PDE4A: variants seen among roughly 807,000 people sequenced by gnomAD.
The protein encoded by PDE4A is 3',5'-cyclic-AMP phosphodiesterase 4A.
A neutral mutation model predicts 73.9 loss-of-function variants in PDE4A; 21 were observed. The observed-to-expected ratio is 0.28, with a 90% CI of 0.20 to 0.41. PDE4A has a LOEUF of 0.41. Among genes scored for constraint, PDE4A ranks in the 10% least tolerant of loss-of-function variants. The pLI, the probability that PDE4A is intolerant of heterozygous loss-of-function variation, is 1.00. For synonymous variants in PDE4A, 463 were observed against 505.4 expected, an observed-to-expected ratio of 0.92 and a Z score of 1.13; for missense variants, 958 against 1,211.4, an observed-to-expected ratio of 0.79 and a Z score of 3.10.
In PDE4A at chr19:10,453,676, G is replaced by A. The variant is rs756155251; in HGVS notation, c.784-1153G>A. On this transcript the variant is annotated intron_variant, in intron 6 of 14. Coordinates refer to ENST00000380702, the MANE Select transcript of PDE4A (RefSeq NM_001111307.2). The surrounding 1 kb of genome is among the most constrained non-coding windows in gnomAD (Gnocchi z 4.6). ...TGACCATGGTGTTGTGTGTTGGGTTGTGTGTCTGAGCCCAGAGCTGCCTGA... is the reference window on the plus strand; with the variant it reads ...TGACCATGGTGTTGTGTGTTGGGTTATGTGTCTGAGCCCAGAGCTGCCTGA... Among the ~76,000 whole-genome samples the A allele has an allele frequency of 5.3e-5, 8 of 152,114 alleles. No individual in the cohort carries two copies. The highest frequency in any genetic ancestry group is 1.2e-4 in the Non-Finnish European group (8 of 68,010).
At chr19:10,425,666 C>T (rs577998842) in intron 1 of PDE4A, among the ~76,000 whole-genome samples, 1 of 152,172 alleles carries the variant, frequency 6.6e-6, no homozygotes, top group East Asian at 1.9e-4. Flanking sequence ...CATCTGAGCC[C>T]ACTCTTTTCA....
In PDE4A at chr19:10,469,458, G is replaced by T. The variant is rs200524110; in HGVS notation, c.*1837G>T. 1.8e-4 allele frequency: 28 copies of T among 152,436 alleles called. No individual in the cohort carries two copies. The highest frequency in any genetic ancestry group is 6.7e-4 in the African/African-American group (28 of 41,534). 9.4% of individuals were successfully genotyped at this position (152,436 alleles called of 1,614,324 possible). On this transcript the variant is annotated 3_prime_UTR_variant, in exon 15 of 15. Coordinates refer to ENST00000380702, the MANE Select transcript of PDE4A (RefSeq NM_001111307.2). Reference sequence around the variant, plus strand: ...CTGTCCCCTCCCCCCTTCTCCAGGAGCCAGGGGGTGACTGGAGAGACAGAC... The same window carrying T: ...CTGTCCCCTCCCCCCTTCTCCAGGATCCAGGGGGTGACTGGAGAGACAGAC...
Position 10,463,774 on chromosome 19 carries a change from G to T in PDE4A, c.1744-19G>T. The T allele has an allele frequency of 6.2e-7, 1 of 1,612,892 alleles. No individual in the cohort carries two copies. The highest frequency in any genetic ancestry group is 8.5e-7 in the Non-Finnish European group (1 of 1,179,074). ...AGGCATAGCCTCTGAAGTTTCCCCTGTGCCCCAACCCCATGCAGGTCCTCC... is the reference window on the plus strand; with the variant it reads ...AGGCATAGCCTCTGAAGTTTCCCCTTTGCCCCAACCCCATGCAGGTCCTCC... On this transcript the variant is annotated intron_variant, in intron 13 of 14. Coordinates refer to ENST00000380702, the MANE Select transcript of PDE4A (RefSeq NM_001111307.2).
In PDE4A at chr19:10,420,926, C is replaced by T. The variant is rs1296788687; in HGVS notation, c.162C>T (p.Arg54=). The change falls in exon 1 of 15, where the codon CGC becomes CGT. Residue 54 remains arginine (R), a synonymous_variant. Coordinates refer to ENST00000380702, the MANE Select transcript of PDE4A (RefSeq NM_001111307.2). The surrounding 1 kb of genome is among the most constrained non-coding windows in gnomAD (Gnocchi z 6.0). ...GCGGCTACTCCGACAGCGCGGAGCG[C>T]GCCGAGCGGGAGCGGCAGCCGCACC... ...QQRGYSDSAE[R]AERERQPHRP... 2 of 1,579,526 alleles carry T rather than the reference C, an allele frequency of 1.3e-6. No homozygotes were observed. Among genetic ancestry groups the T allele is most frequent in the Non-Finnish European group, 1.7e-6 (2 of 1,172,112 alleles).
chr19:10,461,841 G>T, intron 12 of PDE4A, 36 bp from the exon 13 acceptor site: 1 of 1,604,484 alleles, frequency 6.2e-7, no homozygotes. Flanking sequence ...TGGGGGGCGG[G>T]TGTCAGCGGC....
intron 1 of PDE4A, chr19:10,422,999 C>A: frequency 2.0e-6 from 1 of 493,510 alleles, no homozygotes; most frequent in Non-Finnish European, 2.6e-6. Flanking sequence ...TAATAATCAT[C>A]ATTATTTTGG....
In PDE4A at chr19:10,467,473, G is replaced by GCCTCC; in HGVS notation, c.2519_2523dup (p.Thr842ProfsTer133). On this transcript the variant is annotated frameshift_variant, in exon 15 of 15. Transcript: ENST00000380702. LOFTEE classifies it low-confidence loss of function (END_TRUNC). ...TCAGAGCATGCCCCGGGCCTCCCGG[G>GCCTCC]CCTCCCCTCCACGGCGGCCGAGGTG... 6.2e-7 allele frequency: 1 copy of GCCTCC among 1,613,110 alleles called. No individual in the cohort carries two copies.
At chr19:10,430,753 G>C in intron 1 of PDE4A, 3 of 341,310 alleles carry the variant, frequency 8.8e-6, no homozygotes, top group Non-Finnish European at 1.2e-5. Flanking sequence ...TGGGGCCCGC[G>C]GGCCCGGGGC....
chr19:10,429,248 G>GA (rs2042756559), intron 1 of PDE4A, among the ~76,000 whole-genome samples: 1 of 147,276 alleles, frequency 6.8e-6, no homozygotes, highest in African/African-American at 2.6e-5. Flanking sequence ...GGACGGAGGG[G>GA]AAAGGAAAGG....
intron 1 of PDE4A, chr19:10,432,600 T>C: frequency 6.6e-7 from 1 of 1,510,118 alleles, no homozygotes; most frequent in South Asian, 1.3e-5. Context: ...GTCAGTCCTC[T>C]CTTTTAATAC....
At chr19:10,427,781 C>A in intron 1 of PDE4A, 1 of 982,550 alleles carries the variant, frequency 1.0e-6, no homozygotes, top group Non-Finnish European at 1.2e-6. Flanking sequence ...GCTGATCTGA[C>A]GAACTGGCAA....
chr19:10,448,688 C>T, intron 2 of PDE4A: 2 of 309,566 alleles, frequency 6.5e-6, no homozygotes, highest in Non-Finnish European at 9.4e-6. Flanking sequence ...CCCTTTTCCA[C>T]TTTGTCTCTT....
In PDE4A at chr19:10,458,928, T is replaced by G; in HGVS notation, c.1102-472T>G. ...GCCACTGCACCTGGCCAACTGGTGT[T>G]TATTAAGCAGCTACTATGTGCTGGC... On this transcript the variant is annotated intron_variant, in intron 8 of 14. Coordinates refer to ENST00000380702, the MANE Select transcript of PDE4A (RefSeq NM_001111307.2). The surrounding 1 kb of genome is among the most constrained non-coding windows in gnomAD (Gnocchi z 4.6). 6.2e-6 allele frequency: 1 copy of G among 162,086 alleles called. No individual in the cohort carries two copies. The highest frequency in any genetic ancestry group is 1.4e-5 in the Non-Finnish European group (1 of 73,466). 10.0% of individuals were successfully genotyped at this position (162,086 alleles called of 1,614,324 possible).
upstream of PDE4A, chr19:10,420,532 C>G (rs2042635310): frequency 2.7e-6 from 3 of 1,121,344 alleles, no homozygotes; most frequent in Non-Finnish European, 3.3e-6. This position sits in a 1 kb window ranked among gnomAD's most constrained non-coding sequence, Gnocchi z 6.0. Context: ...GAGCGCGGAG[C>G]GCGGAGAGCG....
intron 7 of PDE4A, among the ~76,000 whole-genome samples, chr19:10,457,162 G>C (rs1383382878): frequency 6.6e-6 from 1 of 152,202 alleles, no homozygotes; most frequent in Admixed American, 6.5e-5. Flanking sequence ...TCGTGCCACT[G>C]CACTCCAGCC....
In PDE4A at chr19:10,461,700, G is replaced by GGC. The variant is rs2043274666; in HGVS notation, c.1620+20_1620+21insGC. The GGC allele has an allele frequency of 1.7e-5, 10 of 598,354 alleles. No individual in the cohort carries two copies. The highest frequency in any genetic ancestry group is 2.5e-5 in the Non-Finnish European group (8 of 318,784). 37.1% of individuals were successfully genotyped at this position (598,354 alleles called of 1,614,324 possible). A position where few individuals can be genotyped will look rare whatever the true frequency, so the allele number is the denominator to read the frequency against. On this transcript the variant is annotated intron_variant, in intron 12 of 14. Transcript: ENST00000380702. Reference sequence around the variant, plus strand: ...GACATGGTGGGCGGGGCTGGGGCGGGACGGAGCGGGAAAGGAAGCCTAGGA... The same window carrying GGC: ...GACATGGTGGGCGGGGCTGGGGCGGGGCACGGAGCGGGAAAGGAAGCCTAGGA...
rs1035199374 is a variant in PDE4A at position 10,467,804 on chromosome 19, C to G, written c.*183C>G. 6.7e-6 allele frequency: 3 copies of G among 445,798 alleles called. No individual in the cohort carries two copies. The highest frequency in any genetic ancestry group is 1.2e-5 in the Non-Finnish European group (3 of 260,516). 27.6% of individuals were successfully genotyped at this position (445,798 alleles called of 1,614,324 possible). A position where few individuals can be genotyped will look rare whatever the true frequency, so the allele number is the denominator to read the frequency against. On this transcript the variant is annotated 3_prime_UTR_variant, in exon 15 of 15. Transcript: ENST00000380702. Reference sequence around the variant, plus strand: ...TTTCCCCCTGCCCCCACCCACGGGGCCTTTTTTTGGAGGTGGGGGCTGGGG... The same window carrying G: ...TTTCCCCCTGCCCCCACCCACGGGGGCTTTTTTTGGAGGTGGGGGCTGGGG...
intron 1 of PDE4A, among the ~76,000 whole-genome samples, chr19:10,444,463 A>C (rs2145517178): frequency 6.6e-6 from 1 of 151,800 alleles, no homozygotes; most frequent in Non-Finnish European, 1.5e-5. Flanking sequence ...GCGCCATTGC[A>C]TTCCAGCCTG....
chr19:10,417,064 G>A, upstream of PDE4A: 1 of 1,502,616 alleles, frequency 6.7e-7, no homozygotes, highest in East Asian at 2.5e-5. Context: ...TAGTGACCAC[G>A]GCTATTTCCT....
Sources: allele counts gnomAD v4.1 joint callset (sites outside exome capture counted in the v4.1 genomes callset), GRCh38; gene constraint gnomAD v4.1.1; non-coding constraint Gnocchi (gnomAD v3.1); transcripts MANE v1.5; gene names NCBI Gene and HGNC (gene_info 2026-07-23, HGNC 2026-07-21).